The following B4GALNT3 variants were observed in gnomAD, a reference collection of about 807,000 sequenced individuals.
B4GALNT3 encodes beta-1,4-N-acetylgalactosaminyltransferase 3.
Under a neutral mutation model 120.2 loss-of-function variants are expected in B4GALNT3, and 86 were observed. The observed-to-expected ratio is 0.72, with a 90% CI of 0.60 to 0.86. The LOEUF is 0.86. Ranked by LOEUF, B4GALNT3 falls within the 40% of genes least tolerant of loss-of-function variation. B4GALNT3 has a pLI of 0.00. For synonymous variants in B4GALNT3, 518 were observed against 510.4 expected (o/e 1.01, Z -0.20); for missense variants, 1,167 against 1,298.9 (o/e 0.90, Z 1.56).
In B4GALNT3 at chr12:460,330, CG is replaced by C; in HGVS notation, c.-41del. ...GGGGCCCGGCCGGGGGGCGGCGGCTCGGGGGGTTGGAGCCCGCGCTGGCGGC... is the reference window on the plus strand; with the variant it reads ...GGGGCCCGGCCGGGGGGCGGCGGCTCGGGGGTTGGAGCCCGCGCTGGCGGC... On this transcript the variant is annotated 5_prime_UTR_variant, in exon 1 of 20. Transcript: ENST00000266383. This position sits in a 1 kb window ranked among gnomAD's most constrained non-coding sequence, Gnocchi z 8.0. The C allele has an allele frequency of 5.0e-6, 5 of 1,001,882 alleles. No individual in the cohort carries two copies. The highest frequency in any genetic ancestry group is 5.9e-6 in the Non-Finnish European group (5 of 841,440). 62.1% of individuals were successfully genotyped at this position (1,001,882 alleles called of 1,614,324 possible).
intron 1 of B4GALNT3, among the ~76,000 whole-genome samples, chr12:512,364 CT>C (rs1946592230): frequency 7.0e-6 from 1 of 143,152 alleles, no homozygotes; most frequent in Non-Finnish European, 1.5e-5. Context: ...CGCCTTCGAC[CT>C]TCTTCCACCT....
chr12:544,134 C>T (rs1460296225), intron 3 of B4GALNT3, among the ~76,000 whole-genome samples: 2 of 133,166 alleles, frequency 1.5e-5, no homozygotes, highest in Non-Finnish European at 3.4e-5. Flanking sequence ...GCATGGGGTG[C>T]TCATCCTCCT....
intron 1 of B4GALNT3, among the ~76,000 whole-genome samples, chr12:514,220 C>T (rs1253262711): frequency 8.0e-5 from 11 of 136,938 alleles, no homozygotes; most frequent in African/African-American, 1.1e-4. Context: ...TTTTTTGAGA[C>T]GGAGTCTCGC....
At position 460,580 on chromosome 12, in the gene B4GALNT3, G is replaced by A. The variant is rs1377516697; in HGVS notation, c.169+35G>A. On this transcript the variant is annotated intron_variant, in intron 1 of 19. Transcript: ENST00000266383. The surrounding 1 kb of genome is among the most constrained non-coding windows in gnomAD (Gnocchi z 8.0). Reference sequence around the variant, plus strand: ...ACCCAGGGGAGGCGAAGGGCGCGGGGGTGGGCGGCGGCGGCGGCTCCTGCG... The same window carrying A: ...ACCCAGGGGAGGCGAAGGGCGCGGGAGTGGGCGGCGGCGGCGGCTCCTGCG... The A allele has an allele frequency of 2.2e-6, 3 of 1,347,444 alleles. No homozygotes were observed. The highest frequency in any genetic ancestry group is 1.5e-5 in the African/African-American group (1 of 65,966). 83.5% of individuals were successfully genotyped at this position (1,347,444 alleles called of 1,614,324 possible). A position where few individuals can be genotyped will look rare whatever the true frequency, so the allele number is the denominator to read the frequency against.
intron 3 of B4GALNT3, among the ~76,000 whole-genome samples, chr12:543,442 G>A (rs1946945435): frequency 2.2e-5 from 3 of 133,756 alleles, no homozygotes; most frequent in African/African-American, 8.7e-5. Flanking sequence ...GAGCTGAGGA[G>A]CTGGGGCGGG....
chr12:552,587 T>C, intron 13 of B4GALNT3, 59 bp downstream of exon 13: 1 of 1,545,608 alleles, frequency 6.5e-7, no homozygotes, highest in Non-Finnish European at 8.9e-7. Context: ...ATGGTCTGTT[T>C]CCAGGGGATG....
chr12:546,873 C>T (rs1947014301), intron 7 of B4GALNT3, 160 bp downstream of exon 7: 7 of 669,514 alleles, frequency 1.0e-5, no homozygotes, highest in Non-Finnish European at 1.3e-5. Context: ...GCCGCGAGCC[C>T]ATCCGTCCTC....
At chr12:466,164 G>T (rs1283108666) in intron 1 of B4GALNT3, among the ~76,000 whole-genome samples, 1 of 152,112 alleles carries the variant, frequency 6.6e-6, no homozygotes, top group African/African-American at 2.4e-5. Context: ...GCTGTGCATG[G>T]TTATAACTGC....
intron 1 of B4GALNT3, among the ~76,000 whole-genome samples, chr12:495,383 C>T (rs150210984): frequency 5.3e-4 from 81 of 152,276 alleles, no homozygotes; most frequent in African/African-American, 1.8e-3. Flanking sequence ...CCTTAGTCCC[C>T]CTAACTTTCT....
At chr12:461,001 A>C (rs1430325773) in intron 1 of B4GALNT3, among the ~76,000 whole-genome samples, 1 of 151,962 alleles carries the variant, frequency 6.6e-6, no homozygotes, top group Non-Finnish European at 1.5e-5. Flanking sequence ...CGCAGCCCAA[A>C]CTTTGCCCAC....
At chr12:481,437 A>G (rs779770036) in intron 1 of B4GALNT3, among the ~76,000 whole-genome samples, 2 of 152,230 alleles carry the variant, frequency 1.3e-5, no homozygotes, top group South Asian at 4.1e-4. Flanking sequence ...GCAAATCAGG[A>G]GTCCAGCTGC....
chr12:552,967 A>G, intron 13 of B4GALNT3: 1 of 610,216 alleles, frequency 1.6e-6, no homozygotes, highest in Non-Finnish European at 2.8e-6. Flanking sequence ...CAGTCTTCAC[A>G]AACCCATGAG....
intron 1 of B4GALNT3, among the ~76,000 whole-genome samples, chr12:525,086 T>TTTTATTTATTTATTTATTTATTTA (rs575604135): frequency 1.4e-4 from 18 of 130,616 alleles, no homozygotes; most frequent in African/African-American, 3.0e-4. Flanking sequence ...AATAACACAA[T>TTTTATTTATTTATTTATTTATTTA]TTTATTTATT....
At chr12:481,449 C>T (rs1327795621) in intron 1 of B4GALNT3, among the ~76,000 whole-genome samples, 2 of 152,200 alleles carry the variant, frequency 1.3e-5, no homozygotes, top group Non-Finnish European at 2.9e-5. Context: ...TCCAGCTGCC[C>T]ACATCCAGTC....
chr12:503,244 G>A (rs1011538913), intron 1 of B4GALNT3, among the ~76,000 whole-genome samples: 13 of 152,152 alleles, frequency 8.5e-5, no homozygotes, highest in Admixed American at 3.9e-4. Context: ...CTGGTTTACA[G>A]TCCCAGCCCT....
chr12:470,691 G>A (rs1035157246), intron 1 of B4GALNT3, among the ~76,000 whole-genome samples: 18 of 152,296 alleles, frequency 1.2e-4, no homozygotes, highest in Middle Eastern at 3.4e-3. Flanking sequence ...ATGAGGGAAC[G>A]AAATGGAGGG....
chr12:490,502 A>G (rs1946330573), intron 1 of B4GALNT3, among the ~76,000 whole-genome samples: 1 of 152,150 alleles, frequency 6.6e-6, no homozygotes, highest in African/African-American at 2.4e-5. Context: ...TTTGGGAGGC[A>G]GAAGTGGGCA....
In B4GALNT3 at chr12:465,658, G is replaced by A. The variant is rs78411756; in HGVS notation, c.169+5113G>A. On this transcript the variant is annotated intron_variant, in intron 1 of 19. Transcript: ENST00000266383. Reference sequence around the variant, plus strand: ...CAGTCCCTGTGCTGATGTGGCCGGCGAACCTCAGCAACACATCTGCCATCT... The same window carrying A: ...CAGTCCCTGTGCTGATGTGGCCGGCAAACCTCAGCAACACATCTGCCATCT... Among the ~76,000 whole-genome samples the A allele has an allele frequency of 6.6e-3, 1,001 of 152,238 alleles. 1 individual carries two copies. The highest frequency in any genetic ancestry group is 0.01 in the Non-Finnish European group (702 of 68,002).
In B4GALNT3 at chr12:522,673, G is replaced by A. The variant is rs138482338; in HGVS notation, c.170-12493G>A. ...ACATGGGCCAGGCGTGGTGGCTCAC[G>A]TCTGTCATCTCAGCAGTTTGAGAGG... On this transcript the variant is annotated intron_variant, in intron 1 of 19. Coordinates refer to ENST00000266383, the MANE Select transcript of B4GALNT3 (RefSeq NM_173593.4). 1.4e-4 allele frequency among the ~76,000 whole-genome samples: 21 copies of A among 152,122 alleles called. No individual in the cohort carries two copies. The South Asian group carries it at 2.7e-3, about 20-fold the overall frequency.
Sources: gnomAD v4.1 joint callset for allele counts (sites outside exome capture counted in the v4.1 genomes callset) on GRCh38, gnomAD v4.1.1 for gene constraint, Gnocchi (gnomAD v3.1) non-coding constraint, MANE v1.5 for transcripts, NCBI Gene and HGNC (gene_info 2026-07-23, HGNC 2026-07-21) for gene names.